The following RANBP3L variants were observed in gnomAD, a reference collection of about 807,000 sequenced individuals.
The protein encoded by RANBP3L is RAN binding protein 3 like, also known as ran-binding protein 3-like.
RANBP3L carries 56 observed loss-of-function variants against 67.2 expected under a neutral mutation model. That is an observed-to-expected ratio of 0.83 (90% CI 0.67 to 1.04). RANBP3L has a LOEUF of 1.04. Among genes scored for constraint, RANBP3L ranks in the 50% least tolerant of loss-of-function variants. RANBP3L has a pLI of 0.00. For synonymous variants in RANBP3L, 164 were observed against 181.4 expected (o/e 0.90, Z 0.77); for missense variants, 496 against 535.5 (o/e 0.93, Z 0.73).
At chr5:36,278,073 A>G (rs1467885108) in intron 1 of RANBP3L, among the ~76,000 whole-genome samples, 1 of 152,152 alleles carries the variant, frequency 6.6e-6, no homozygotes, top group Non-Finnish European at 1.5e-5. Context: ...CATGGGATTT[A>G]TGGGAGCTAC....
At chr5:36,278,621 G>T (rs1384336760) in intron 1 of RANBP3L, among the ~76,000 whole-genome samples, 1 of 152,106 alleles carries the variant, frequency 6.6e-6, no homozygotes, top group African/African-American at 2.4e-5. Flanking sequence ...GATGTTCTGA[G>T]TAAGCTCACA....
rs1418039513 is a variant in RANBP3L, at chr5:36,248,560, G to A, written c.*1094C>T. 1 of 152,180 alleles carries A rather than the reference G, an allele frequency of 6.6e-6. No individual in the cohort carries two copies. The highest frequency in any genetic ancestry group is 1.5e-5 in the Non-Finnish European group (1 of 68,018). 9.4% of individuals were successfully genotyped at this position (152,180 alleles called of 1,614,324 possible). The stretch of plus-strand genomic sequence containing the variant: ...ATTGTTCTTCGAAGCATCACTTAGT[G>A]AAATTACGCCCTCATTCCAAATATG... On this transcript the variant is annotated 3_prime_UTR_variant, in exon 14 of 14. Coordinates refer to ENST00000296604, the MANE Select transcript of RANBP3L (RefSeq NM_145000.5).
At chr5:36,268,692 A>G (rs1444088630) in intron 4 of RANBP3L, among the ~76,000 whole-genome samples, 3 of 151,946 alleles carry the variant, frequency 2.0e-5, no homozygotes, top group Non-Finnish European at 4.4e-5. Flanking sequence ...GTAGGCATCC[A>G]TTTATTTAAA....
At chr5:36,266,566 G>A (rs1188251827) in intron 4 of RANBP3L, among the ~76,000 whole-genome samples, 1 of 151,994 alleles carries the variant, frequency 6.6e-6, no homozygotes, top group Non-Finnish European at 1.5e-5. Context: ...TTCTCCTGCT[G>A]AACACCACTA....
intron 1 of RANBP3L, among the ~76,000 whole-genome samples, chr5:36,298,998 T>C (rs1213794658): frequency 6.6e-6 from 1 of 152,082 alleles, no homozygotes; most frequent in African/African-American, 2.4e-5. Context: ...GAGATTAGCA[T>C]TTAAGTCACT....
At chr5:36,288,944 T>C (rs1751517187) in intron 1 of RANBP3L, among the ~76,000 whole-genome samples, 1 of 152,154 alleles carries the variant, frequency 6.6e-6, no homozygotes. Flanking sequence ...TTAATATTGA[T>C]AGTCTAACTT....
At chr5:36,258,632 G>A (rs1749159364) in intron 8 of RANBP3L, among the ~76,000 whole-genome samples, 2 of 152,158 alleles carry the variant, frequency 1.3e-5, no homozygotes, top group South Asian at 4.1e-4. Context: ...TCCTTTATAA[G>A]CCTTTATAAG....
At chr5:36,301,241 G>T in intron 1 of RANBP3L, 85 bp downstream of exon 1, 1 of 961,648 alleles carries the variant, frequency 1.0e-6, no homozygotes, top group Non-Finnish European at 1.7e-6. Context: ...GCTTCCCCGG[G>T]TCCTTCACCA....
chr5:36,270,744 C>A (rs1750147329), intron 2 of RANBP3L, among the ~76,000 whole-genome samples: 1 of 152,176 alleles, frequency 6.6e-6, no homozygotes, highest in African/African-American at 2.4e-5. Flanking sequence ...ACAGTCCTCC[C>A]ACCGTGGCCT....
At chr5:36,256,003 A>C (rs1579677677) in intron 10 of RANBP3L, among the ~76,000 whole-genome samples, 1 of 152,088 alleles carries the variant, frequency 6.6e-6, no homozygotes, top group Non-Finnish European at 1.5e-5. Flanking sequence ...CTATGTCTAT[A>C]TATACATCAA....
rs1238582688 is a variant in RANBP3L, at chr5:36,247,798, G to C, written c.*1856C>G. On this transcript the variant is annotated 3_prime_UTR_variant, in exon 14 of 14. Transcript: ENST00000296604. The stretch of plus-strand genomic sequence containing the variant: ...ACTCAGGAGGCTGAGTGAGGCACGA[G>C]AATCCCTTGAACCCGGGAGGGGGAG... Among the ~76,000 whole-genome samples the C allele has an allele frequency of 2.0e-5, 3 of 152,216 alleles. No individual in the cohort carries two copies. The highest frequency in any genetic ancestry group is 6.5e-5 in the Admixed American group (1 of 15,276).
intron 8 of RANBP3L, among the ~76,000 whole-genome samples, chr5:36,260,360 C>CAAAAAAAA: frequency 1.3e-5 from 1 of 79,022 alleles, no homozygotes; most frequent in Non-Finnish European, 2.4e-5. Flanking sequence ...GACTCTGTCT[C>CAAAAAAAA]AAAAAAAAAA....
rs77621361 is a variant in RANBP3L, at chr5:36,256,902, G to A, written c.903+39C>T. The A allele has an allele frequency of 8.3e-3, 12,941 of 1,565,028 alleles. 72 individuals carry two copies. The highest frequency in any genetic ancestry group is 0.01 in the Non-Finnish European group (11,659 of 1,148,376). On this transcript the variant is annotated intron_variant, in intron 10 of 13. Transcript: ENST00000296604. ...CTCATGTTAACTTTATTCCAAGTAT[G>A]TAAATGCTACCAGAAAGAGTAAAAC...
chr5:36,283,991 T>TC lies in RANBP3L; in HGVS notation c.92-12681_92-12680insG, dbSNP rs1398721655. On this transcript the variant is annotated intron_variant, in intron 1 of 13. Transcript: ENST00000296604. The stretch of plus-strand genomic sequence containing the variant: ...TTGGGTTCCCTCTCCTCACTTCCTT[T>TC]TTTTTTTTTGAGATGGAGTTTCACT... Among the ~76,000 whole-genome samples, 3 of 151,858 alleles carry TC rather than the reference T, an allele frequency of 2.0e-5. No homozygotes were observed. The South Asian group carries it at 6.2e-4, about 32-fold the overall frequency.
chr5:36,276,214 A>G (rs2111958944), intron 1 of RANBP3L, among the ~76,000 whole-genome samples: 1 of 152,294 alleles, frequency 6.6e-6, no homozygotes, highest in East Asian at 1.9e-4. Flanking sequence ...TTATGATGCC[A>G]TCTAAACCTT....
chr5:36,276,023 G>T (rs548030400), intron 1 of RANBP3L, among the ~76,000 whole-genome samples: 11 of 152,188 alleles, frequency 7.2e-5, no homozygotes, highest in African/African-American at 2.6e-4. Flanking sequence ...CAAACCCCAT[G>T]CTGCTTGCCA....
rs779496425 is a variant in RANBP3L, at chr5:36,253,649, G to T, written c.1165C>A (p.Gln389Lys). Residue 389 changes from glutamine (Q) to lysine (K), a missense_variant and splice_region_variant, in exon 12 of 14, where the codon CAG becomes AAG. Physicochemically the swap from Gln to Lys is moderately conservative, Grantham distance 53 (BLOSUM62 1). Coordinates refer to ENST00000296604, the MANE Select transcript of RANBP3L (RefSeq NM_145000.5). ...TATCACTGAAATTTCTCCCTTACCT[G>T]AATTAAAAATATTTTGATGCTATAG... The part of the protein sequence containing the change: ...EDYSIKIFLI[Q>K]ASAQDTAYLY... The T allele has an allele frequency of 1.9e-6, 3 of 1,599,224 alleles. No individual in the cohort carries two copies. The highest frequency in any genetic ancestry group is 2.6e-6 in the Non-Finnish European group (3 of 1,167,114).
At chr5:36,295,184 T>G (rs1374784436) in intron 1 of RANBP3L, among the ~76,000 whole-genome samples, 1 of 152,056 alleles carries the variant, frequency 6.6e-6, no homozygotes. Context: ...TATTTGTTAA[T>G]TTTTTGAGGA....
rs201149088 is a variant in RANBP3L, at chr5:36,289,818, C to CA, written c.91+11507dup. On this transcript the variant is annotated intron_variant, in intron 1 of 13. Transcript: ENST00000296604. Reference sequence around the variant, plus strand: ...TTCTACAAATACCATCAATCATCTGCAAAAAAAAAAAAGATAGTTTTACTT... The same window carrying CA: ...TTCTACAAATACCATCAATCATCTGCAAAAAAAAAAAAAGATAGTTTTACTT... Among the ~76,000 whole-genome samples, 1,144 of 140,768 alleles carry CA rather than the reference C, an allele frequency of 8.1e-3. 20 individuals carry two copies. The highest frequency in any genetic ancestry group is 0.061 in the East Asian group (303 of 4,996). 92.3% of individuals were successfully genotyped at this position (140,768 alleles called of 152,430 possible).
Sources: gnomAD v4.1 joint callset for allele counts (sites outside exome capture counted in the v4.1 genomes callset) on GRCh38, gnomAD v4.1.1 for gene constraint, MANE v1.5 for transcripts, NCBI Gene and HGNC (gene_info 2026-07-23, HGNC 2026-07-21) for gene names.